Variants in GRM4 observed in about 807,000 individuals in gnomAD.
GRM4 encodes glutamate metabotropic receptor 4.
Under a neutral mutation model 81.7 loss-of-function variants are expected in GRM4, and 28 were observed. That is an observed-to-expected ratio of 0.34 (90% CI 0.25 to 0.47). The LOEUF (loss-of-function observed/expected upper bound fraction) is 0.47. Ranked by LOEUF, GRM4 falls within the 20% of genes least tolerant of loss-of-function variation. The pLI is 1.00. For synonymous variants in GRM4, 488 were observed against 528.8 expected (o/e 0.92, Z 1.06); for missense variants, 948 against 1,290.0 (o/e 0.73, Z 4.06).
chr6:34,121,603 G>C lies in GRM4; in HGVS notation c.519+11375C>G, dbSNP rs1359863334. On this transcript the variant is annotated intron_variant, in intron 2 of 10. Transcript: ENST00000538487. This position sits in a 1 kb window ranked among gnomAD's most constrained non-coding sequence, Gnocchi z 4.6. ...TGGAGGTGGCTGGAGACCAGGAGCA[G>C]GCAGCACCTTCGAGGCAGATCCCCG... Among the ~76,000 whole-genome samples the C allele has an allele frequency of 6.6e-6, 1 of 152,232 alleles. No homozygotes were observed. Among genetic ancestry groups the C allele is most frequent in the African/African-American group, 2.4e-5 (1 of 41,460 alleles).
chr6:34,144,973 G>T (rs899337983), intron 1 of GRM4, among the ~76,000 whole-genome samples: 1 of 151,964 alleles, frequency 6.6e-6, no homozygotes, highest in Non-Finnish European at 1.5e-5. Flanking sequence ...CACTCCAAGC[G>T]CGGGAGCTCG....
intron 9 of GRM4, among the ~76,000 whole-genome samples, chr6:34,031,639 C>T (rs141648030): frequency 6.6e-6 from 1 of 152,222 alleles, no homozygotes; most frequent in African/African-American, 2.4e-5. Flanking sequence ...ACGTCCTGCC[C>T]AAGCATGACT....
chr6:34,036,543 G>T lies in GRM4; in HGVS notation c.1567C>A (p.Pro523Thr). The change falls in exon 9 of 11, where the codon CCC (proline) becomes ACC (threonine). Residue 523 changes from proline to threonine, a missense_variant. Physicochemically the swap from Pro to Thr is conservative, Grantham distance 38. Transcript: ENST00000538487. This position sits in a 1 kb window ranked among gnomAD's most constrained non-coding sequence, Gnocchi z 9.0. ...QQLPRSICSL[P>T]CQPGERKKTV... ...TTCTTCCGCTCACCCGGTTGGCAGG[G>T]CAGGCTGCAGATGGAGCGGGGCAGC... 2.5e-6 allele frequency: 4 copies of T among 1,609,482 alleles called. No individual in the cohort carries two copies. In the African/African-American group the frequency reaches 5.3e-5, roughly 21 times the overall value.
At chr6:34,044,092 A>G (rs1415296881) in intron 6 of GRM4, among the ~76,000 whole-genome samples, 1 of 150,424 alleles carries the variant, frequency 6.6e-6, no homozygotes, top group East Asian at 1.9e-4. Context: ...ACACACACAC[A>G]TAGACATACA....
rs905636672 is a variant in GRM4, at chr6:34,090,041, G to A, written c.736+1842C>T. Among the ~76,000 whole-genome samples, 1 of 152,204 alleles carries A rather than the reference G, an allele frequency of 6.6e-6. No individual in the cohort carries two copies. The highest frequency in any genetic ancestry group is 6.5e-5 in the Admixed American group (1 of 15,274). ...CACCTCTTACTTGCTGTGTGGCCTG[G>A]TGCTAGCTATTATTCAGCCTCTCTG... On this transcript the variant is annotated intron_variant, in intron 3 of 10. Coordinates refer to ENST00000538487, the MANE Select transcript of GRM4 (RefSeq NM_000841.4). This position sits in a 1 kb window ranked among gnomAD's most constrained non-coding sequence, Gnocchi z 5.2.
At chr6:34,083,428 C>T (rs1285516860) in intron 3 of GRM4, among the ~76,000 whole-genome samples, 2 of 152,224 alleles carry the variant, frequency 1.3e-5, no homozygotes, top group South Asian at 2.1e-4. Context: ...AACACCTTGC[C>T]AATCTCCAAG....
At chr6:34,148,184 C>T (rs950985821), upstream of GRM4, among the ~76,000 whole-genome samples, 1 of 152,092 alleles carries the variant, frequency 6.6e-6, no homozygotes, top group African/African-American at 2.4e-5. Context: ...AGCCTGAGGC[C>T]TAGCTCTTCC....
Position 34,121,760 on chromosome 6 carries a change from G to A in GRM4, c.519+11218C>T, listed in dbSNP as rs1011600032. Among the ~76,000 whole-genome samples, 4 of 152,188 alleles carry A rather than the reference G, an allele frequency of 2.6e-5. No individual in the cohort carries two copies. Among genetic ancestry groups the A allele is most frequent in the African/African-American group, 9.7e-5 (4 of 41,444 alleles). On this transcript the variant is annotated intron_variant, in intron 2 of 10. Transcript: ENST00000538487. This position sits in a 1 kb window ranked among gnomAD's most constrained non-coding sequence, Gnocchi z 4.6. ...CTGAGGTCCAGGAATGAAGGAATGG[G>A]AGGAGGGACAGGAAGGAGAATCCAG... is the stretch of plus-strand genomic sequence containing the variant.
chr6:34,056,430 TGCCACG>T, intron 6 of GRM4, 108 bp downstream of exon 6: 1 of 945,046 alleles, frequency 1.1e-6, no homozygotes, highest in African/African-American at 1.7e-5. Context: ...CTGCACGTCC[TGCCACG>T]GCCGGCCGAC....
intron 2 of GRM4, among the ~76,000 whole-genome samples, chr6:34,096,930 GTGTC>G (rs777905241): frequency 1.3e-3 from 168 of 132,678 alleles, no homozygotes; most frequent in African/African-American, 2.5e-3. Context: ...GTGTGTGTGT[GTGTC>G]TGTGTGAGTG....
intron 3 of GRM4, among the ~76,000 whole-genome samples, chr6:34,088,803 A>G (rs1450405265): frequency 1.3e-5 from 2 of 152,218 alleles, no homozygotes; most frequent in Non-Finnish European, 2.9e-5. Flanking sequence ...TAATAGTCAC[A>G]GGGGGTGTCT....
intron 3 of GRM4, among the ~76,000 whole-genome samples, chr6:34,067,969 C>T (rs1364741058): frequency 2.0e-5 from 3 of 152,236 alleles, no homozygotes; most frequent in Non-Finnish European, 4.4e-5. Context: ...ACTTTCCCTT[C>T]GTGGAGCCCG....
rs10635207 is a variant in GRM4, at chr6:34,136,563, GACACACACACACACACACAC to G, written c.-363-2724_-363-2705del. On this transcript the variant is annotated intron_variant, in intron 1 of 10. Coordinates refer to ENST00000538487, the MANE Select transcript of GRM4 (RefSeq NM_000841.4). This position sits in a 1 kb window ranked among gnomAD's most constrained non-coding sequence, Gnocchi z 4.1. ...GCTGAGCAGTGCATGCGCGCGTGCG[GACACACACACACACACACAC>G]ACACACACACACACACACACACGGG... Among the ~76,000 whole-genome samples the G allele has an allele frequency of 4.2e-5, 6 of 142,428 alleles. No homozygotes were observed. Among genetic ancestry groups the G allele is most frequent in the African/African-American group, 1.6e-4 (6 of 36,744 alleles). The allele number at this position is 142,428 out of a possible 152,430, so 93.4% of individuals were successfully genotyped here.
intron 6 of GRM4, among the ~76,000 whole-genome samples, chr6:34,043,040 C>T (rs1002803079): frequency 1.6e-4 from 24 of 152,162 alleles, no homozygotes; most frequent in African/African-American, 4.3e-4. Context: ...ACCAGGACCA[C>T]GGGGGTCATC....
Position 34,059,109 on chromosome 6 carries a change from GT to G in GRM4, c.891del (p.Arg298GlufsTer77), listed in dbSNP as rs1465232739. ...AAATGGCCTGTCTGGTTGGCCCTTC[GT>G]GCTGCCTCCAGCACACGCCTGTAGG... ...EDDIRRVLEAARRANQTGHFF... is the reference protein window; with the variant it reads ...EDDIRRVLEAXRRANQTGHFF... On this transcript the variant is annotated frameshift_variant, in exon 5 of 11. Coordinates refer to ENST00000538487, the MANE Select transcript of GRM4 (RefSeq NM_000841.4). LOFTEE classifies it high-confidence loss of function. This position sits in a 1 kb window ranked among gnomAD's most constrained non-coding sequence, Gnocchi z 5.7. The G allele has an allele frequency of 6.2e-7, 1 of 1,613,506 alleles. No individual in the cohort carries two copies. The highest frequency in any genetic ancestry group is 8.5e-7 in the Non-Finnish European group (1 of 1,179,966).
At position 34,042,372 on chromosome 6, in the gene GRM4, C is replaced by G. The variant is rs1765057944; in HGVS notation, c.1169-1624G>C. Among the ~76,000 whole-genome samples the G allele has an allele frequency of 6.6e-6, 1 of 152,210 alleles. No individual in the cohort carries two copies. The highest frequency in any genetic ancestry group is 2.1e-4 in the South Asian group (1 of 4,830). On this transcript the variant is annotated intron_variant, in intron 6 of 10. Coordinates refer to ENST00000538487, the MANE Select transcript of GRM4 (RefSeq NM_000841.4). This position sits in a 1 kb window ranked among gnomAD's most constrained non-coding sequence, Gnocchi z 4.2. ...CAACTCCAACCCTGAGCACCACACTCTGCCACACAGGGATGCAGGTGGGCA... is the reference window on the plus strand; with the variant it reads ...CAACTCCAACCCTGAGCACCACACTGTGCCACACAGGGATGCAGGTGGGCA...
chr6:34,058,093 G>A (rs961418338), intron 5 of GRM4, among the ~76,000 whole-genome samples: 5 of 152,200 alleles, frequency 3.3e-5, no homozygotes, highest in Non-Finnish European at 7.3e-5. Flanking sequence ...ACATGGGGCA[G>A]GTGTGGATGT....
intron 2 of GRM4, among the ~76,000 whole-genome samples, chr6:34,093,765 G>A (rs889087413): frequency 3.3e-5 from 5 of 152,156 alleles, no homozygotes; most frequent in African/African-American, 4.8e-5. Flanking sequence ...GGCCCAGCTC[G>A]GCCACCCAGC....
At chr6:34,125,804 G>T (rs1769999870) in intron 2 of GRM4, among the ~76,000 whole-genome samples, 1 of 152,250 alleles carries the variant, frequency 6.6e-6, no homozygotes, top group Admixed American at 6.5e-5. Context: ...CCACAGTGGG[G>T]GTTTGGGGGA....
Sources: allele counts gnomAD v4.1 joint callset (sites outside exome capture counted in the v4.1 genomes callset), GRCh38; gene constraint gnomAD v4.1.1; non-coding constraint Gnocchi (gnomAD v3.1); transcripts MANE v1.5; gene names NCBI Gene and HGNC (gene_info 2026-07-23, HGNC 2026-07-21).